The following MAST2 variants were observed in gnomAD, a reference collection of about 807,000 sequenced individuals.
MAST2 encodes the protein microtubule associated serine/threonine kinase 2, also known as microtubule-associated serine/threonine-protein kinase 2.
In MAST2, 70 loss-of-function variants were observed where a neutral mutation model predicts 147.4. The observed-to-expected ratio is 0.47, with a 90% CI of 0.39 to 0.58. The LOEUF is 0.58. MAST2 is among the 20% of genes least tolerant of loss of function. The probability of loss-of-function intolerance (pLI) is 0.00; values close to 1 mark genes in which losing one functional copy is unlikely to be tolerated. For synonymous variants in MAST2, 869 were observed against 896.8 expected (o/e 0.97, Z 0.55); for missense variants, 2,080 against 2,302.3 (o/e 0.90, Z 1.98).
chr1:46,007,552 C>A (rs982690587), intron 8 of MAST2, among the ~76,000 whole-genome samples: 7 of 152,184 alleles, frequency 4.6e-5, no homozygotes, highest in Non-Finnish European at 1.0e-4. Flanking sequence ...CAAAACATGG[C>A]ACATTCCAGG....
At chr1:45,820,564 G>T (rs1051156092) in intron 1 of MAST2, among the ~76,000 whole-genome samples, 7 of 152,006 alleles carry the variant, frequency 4.6e-5, no homozygotes, top group African/African-American at 1.7e-4. Context: ...TTCATTGTGT[G>T]CTAAATATCA....
rs1655935952 is a variant in MAST2, at chr1:45,934,786, T to G, written c.501-24600T>G. Among the ~76,000 whole-genome samples, 3 of 152,224 alleles carry G rather than the reference T, an allele frequency of 2.0e-5. No individual in the cohort carries two copies. In the South Asian group the frequency reaches 6.2e-4, roughly 32 times the overall value. ...TATGTGTATATGTACCATATTTTCT[T>G]TATTCAGTCCTCTGTTGATGGGCAC... On this transcript the variant is annotated intron_variant, in intron 4 of 28. Transcript: ENST00000361297.
At chr1:45,956,327 A>G (rs777668857) in intron 4 of MAST2, among the ~76,000 whole-genome samples, 8 of 152,192 alleles carry the variant, frequency 5.3e-5, no homozygotes, top group South Asian at 2.1e-4. Context: ...TTTGTTATCT[A>G]TGGCTCCTAA....
At chr1:45,995,584 TTTTG>T (rs1477111830) in intron 5 of MAST2, among the ~76,000 whole-genome samples, 8 of 152,144 alleles carry the variant, frequency 5.3e-5, no homozygotes, top group South Asian at 4.1e-4. Flanking sequence ...AAACCGCATT[TTTTG>T]TTTGTTTGTT....
rs1646842964 is a variant in MAST2 at position 46,035,005 on chromosome 1, G to A, written c.4336G>A (p.Val1446Met). Residue 1446 changes from valine to methionine, a missense_variant, in exon 29 of 29, where the codon GTG becomes ATG. Transcript: ENST00000361297. The surrounding 1 kb of genome is among the most constrained non-coding windows in gnomAD (Gnocchi z 5.5). ...AAAGAAGGAACTGCCGCCCAGGGAA[G>A]TGAGCCCTCTGGAGGTAGTTGGAGC... ...ELKKELPPRE[V>M]SPLEVVGARS... is the part of the protein sequence containing the mutation. 6.2e-7 allele frequency: 1 copy of A among 1,614,112 alleles called. No individual in the cohort carries two copies. Among genetic ancestry groups the A allele is most frequent in the Non-Finnish European group, 8.5e-7 (1 of 1,180,044 alleles).
At chr1:45,949,512 A>G (rs950125644) in intron 4 of MAST2, among the ~76,000 whole-genome samples, 7 of 152,224 alleles carry the variant, frequency 4.6e-5, no homozygotes, top group African/African-American at 1.4e-4. Context: ...CAAAACCACA[A>G]TGAGATCTAT....
At chr1:45,933,960 T>A (rs1655792452) in intron 4 of MAST2, among the ~76,000 whole-genome samples, 1 of 152,004 alleles carries the variant, frequency 6.6e-6, no homozygotes, top group African/African-American at 2.4e-5. Flanking sequence ...TGTGCAGATA[T>A]GTTACATGGG....
intron 4 of MAST2, among the ~76,000 whole-genome samples, chr1:45,905,513 T>C (rs1207394761): frequency 2.0e-5 from 3 of 152,116 alleles, no homozygotes; most frequent in African/African-American, 7.2e-5. Context: ...GCGCGGTGGC[T>C]CACGCCTATA....
At chr1:46,005,167 A>G (rs1255859502) in intron 7 of MAST2, among the ~76,000 whole-genome samples, 1 of 152,238 alleles carries the variant, frequency 6.6e-6, no homozygotes, top group Non-Finnish European at 1.5e-5. Flanking sequence ...GTTCCAGACC[A>G]GCCTGACCAA....
intron 3 of MAST2, among the ~76,000 whole-genome samples, chr1:45,861,782 A>G (rs1390458978): frequency 2.0e-5 from 3 of 152,158 alleles, no homozygotes; most frequent in African/African-American, 7.2e-5. Context: ...AGAGTTGTCT[A>G]GATTCACTGT....
chr1:45,859,759 G>A (rs1329499607), intron 3 of MAST2, among the ~76,000 whole-genome samples: 1 of 152,192 alleles, frequency 6.6e-6, no homozygotes, highest in Non-Finnish European at 1.5e-5. Flanking sequence ...GAGAATTTAT[G>A]TATTTACTTT....
intron 1 of MAST2, among the ~76,000 whole-genome samples, chr1:45,819,137 C>T (rs970265801): frequency 6.6e-6 from 1 of 151,706 alleles, no homozygotes; most frequent in African/African-American, 2.4e-5. Flanking sequence ...CCTGTAATCC[C>T]AGCTACTTGG....
chr1:45,989,122 T>C (rs1644762471), intron 5 of MAST2, among the ~76,000 whole-genome samples: 1 of 152,216 alleles, frequency 6.6e-6, no homozygotes, highest in African/African-American at 2.4e-5. Flanking sequence ...AAATATTTTA[T>C]ATGTAATTGT....
chr1:45,816,221 A>AAGAGAGAGAGAAAG (rs1553202492), intron 1 of MAST2, among the ~76,000 whole-genome samples: 3 of 134,738 alleles, frequency 2.2e-5, no homozygotes, highest in Non-Finnish European at 3.1e-5. Context: ...GAGAGAGAGA[A>AAGAGAGAGAGAAAG]AGAGAGAGAG....
At chr1:45,930,391 T>TTG (rs1553235600) in intron 4 of MAST2, among the ~76,000 whole-genome samples, 1 of 147,164 alleles carries the variant, frequency 6.8e-6, no homozygotes, top group Non-Finnish European at 1.5e-5. Flanking sequence ...TTTTTTGTTT[T>TTG]TTTTGTTTTG....
intron 5 of MAST2, among the ~76,000 whole-genome samples, chr1:45,965,167 G>T (rs866119514): frequency 9.2e-5 from 14 of 152,162 alleles, no homozygotes; most frequent in African/African-American, 1.2e-4. Context: ...AATAGGTGCG[G>T]TGTGGTGCTG....
At position 46,034,274 on chromosome 1, in the gene MAST2, G is replaced by A. The variant is rs1646804915; in HGVS notation, c.3868+8G>A. 1 of 1,608,844 alleles carries A rather than the reference G, an allele frequency of 6.2e-7. No individual in the cohort carries two copies. Among genetic ancestry groups the A allele is most frequent in the Admixed American group, 1.7e-5 (1 of 59,586 alleles). On this transcript the variant is annotated splice_region_variant and intron_variant, in intron 28 of 28. Transcript: ENST00000361297. ...CCGATGCTGTGCATTCAGGTACGAA[G>A]GGCTCCCTGCAGATCAGTGACAACC... is the stretch of plus-strand genomic sequence containing the variant.
At chr1:45,862,644 AT>A (rs1646019912) in intron 3 of MAST2, among the ~76,000 whole-genome samples, 2 of 151,932 alleles carry the variant, frequency 1.3e-5, no homozygotes, top group Non-Finnish European at 2.9e-5. Flanking sequence ...TAATTTTTGT[AT>A]TTTTAGTAGA....
chr1:46,009,553 T>C (rs1645630171), intron 9 of MAST2, among the ~76,000 whole-genome samples: 1 of 152,234 alleles, frequency 6.6e-6, no homozygotes, highest in South Asian at 2.1e-4. Flanking sequence ...GCAATTCATT[T>C]TGACGTATAT....
Sources: gnomAD v4.1 joint callset for allele counts (sites outside exome capture counted in the v4.1 genomes callset) on GRCh38, gnomAD v4.1.1 for gene constraint, Gnocchi (gnomAD v3.1) non-coding constraint, MANE v1.5 for transcripts, NCBI Gene and HGNC (gene_info 2026-07-23, HGNC 2026-07-21) for gene names.